PARVA: variants seen among roughly 807,000 people sequenced by gnomAD.
The protein encoded by PARVA is alpha-parvin.
In PARVA, 25 loss-of-function variants were observed where a neutral mutation model predicts 52.6. The ratio of observed to expected loss-of-function variants is 0.48; its 90% confidence interval spans 0.35 to 0.66. PARVA has a LOEUF of 0.66. Ranked by LOEUF, PARVA falls within the 30% of genes least tolerant of loss-of-function variation. The pLI, the probability that PARVA is intolerant of heterozygous loss-of-function variation, is 0.01. For synonymous variants in PARVA, 185 were observed against 179.1 expected, an observed-to-expected ratio of 1.03 and a Z score of -0.26; for missense variants, 373 against 450.9, an observed-to-expected ratio of 0.83 and a Z score of 1.56.
intron 1 of PARVA, among the ~76,000 whole-genome samples, chr11:12,390,162 ACATT>A (rs1242177062): frequency 6.6e-6 from 1 of 152,178 alleles, no homozygotes; most frequent in Non-Finnish European, 1.5e-5. Context: ...TTTCCAGGAA[ACATT>A]CATAGGCAGA....
intron 1 of PARVA, among the ~76,000 whole-genome samples, chr11:12,455,461 C>T (rs1455884992): frequency 1.3e-5 from 2 of 152,084 alleles, no homozygotes; most frequent in Non-Finnish European, 2.9e-5. Flanking sequence ...TCATTATTAA[C>T]TCATGGATTT....
chr11:12,384,870 T>C (rs779083716), intron 1 of PARVA, among the ~76,000 whole-genome samples: 2 of 152,136 alleles, frequency 1.3e-5, no homozygotes, highest in African/African-American at 2.4e-5. Flanking sequence ...CTGGAAGCCA[T>C]TGTAAAACTT....
At chr11:12,418,874 A>T (rs1382285127) in intron 1 of PARVA, among the ~76,000 whole-genome samples, 1 of 152,220 alleles carries the variant, frequency 6.6e-6, no homozygotes, top group African/African-American at 2.4e-5. Context: ...TGTGTATTGA[A>T]CAATACTTTG....
intron 1 of PARVA, among the ~76,000 whole-genome samples, chr11:12,441,630 T>A (rs893232076): frequency 6.6e-6 from 1 of 151,832 alleles, no homozygotes; most frequent in South Asian, 2.1e-4. Flanking sequence ...GGTTTGAGAA[T>A]GAAAAAAAAA....
rs151123080 is a variant in PARVA at position 12,486,263 on chromosome 11, G to A, written c.400+8314G>A. 1.9e-3 allele frequency among the ~76,000 whole-genome samples: 290 copies of A among 152,320 alleles called. 1 individual carries two copies. Among genetic ancestry groups the A allele is most frequent in the African/African-American group, 6.5e-3 (269 of 41,568 alleles). On this transcript the variant is annotated intron_variant, in intron 4 of 12. Transcript: ENST00000334956. The stretch of plus-strand genomic sequence containing the variant: ...TATTTAAAATAAAGGGCTGGGCGCC[G>A]TGGCTCACACCTGTAATCTCAGCAC...
chr11:12,418,141 A>G (rs976271211), intron 1 of PARVA, among the ~76,000 whole-genome samples: 6 of 136,914 alleles, frequency 4.4e-5, no homozygotes, highest in African/African-American at 1.2e-4. Context: ...CATTTCAGAA[A>G]TTTTCTGAGG....
chr11:12,391,697 A>T (rs1430315372), intron 1 of PARVA, among the ~76,000 whole-genome samples: 1 of 152,196 alleles, frequency 6.6e-6, no homozygotes, highest in Non-Finnish European at 1.5e-5. Context: ...TGTGTGTGTC[A>T]TGTCATTGTC....
At chr11:12,495,175 A>G (rs1941283275) in intron 4 of PARVA, among the ~76,000 whole-genome samples, 1 of 152,202 alleles carries the variant, frequency 6.6e-6, no homozygotes, top group Non-Finnish European at 1.5e-5. Flanking sequence ...TGAACTTTAG[A>G]GATAAAAATG....
At chr11:12,525,895 G>GAGC (rs1382528440) in intron 12 of PARVA, among the ~76,000 whole-genome samples, 2 of 152,046 alleles carry the variant, frequency 1.3e-5, no homozygotes, top group African/African-American at 4.8e-5. Context: ...GGCCTGGAGG[G>GAGC]AGCAGGCAGG....
At position 12,534,521 on chromosome 11, in the gene PARVA, G is replaced by T. The variant is rs1311614831; in HGVS notation, c.*6596G>T. ...AGAAGTACCCATTATTAAGATAAAT[G>T]ATGTTTTATCAATGAAGCAGACTTT... On this transcript the variant is annotated 3_prime_UTR_variant, in exon 13 of 13. Transcript: ENST00000334956. Among the ~76,000 whole-genome samples, 1 of 152,182 alleles carries T rather than the reference G, an allele frequency of 6.6e-6. No individual in the cohort carries two copies. Among genetic ancestry groups the T allele is most frequent in the African/African-American group, 2.4e-5 (1 of 41,436 alleles).
At chr11:12,454,687 C>T (rs1940672621) in intron 1 of PARVA, among the ~76,000 whole-genome samples, 2 of 152,124 alleles carry the variant, frequency 1.3e-5, no homozygotes, top group Non-Finnish European at 2.9e-5. Flanking sequence ...ATGATCAATC[C>T]ATGGCCAATC....
At chr11:12,392,043 G>C (rs1037665374) in intron 1 of PARVA, among the ~76,000 whole-genome samples, 2 of 151,916 alleles carry the variant, frequency 1.3e-5, no homozygotes, top group Non-Finnish European at 2.9e-5. Flanking sequence ...ACCCCAAGTT[G>C]TCACTAATCT....
At chr11:12,444,497 T>C (rs923137280) in intron 1 of PARVA, among the ~76,000 whole-genome samples, 4 of 152,038 alleles carry the variant, frequency 2.6e-5, no homozygotes, top group Non-Finnish European at 1.5e-5. Context: ...CAGGCTGGAG[T>C]GCAGTGACAA....
intron 4 of PARVA, among the ~76,000 whole-genome samples, chr11:12,492,685 A>G (rs1055197108): frequency 6.6e-6 from 1 of 152,210 alleles, no homozygotes; most frequent in African/African-American, 2.4e-5. Context: ...AATAGAGATA[A>G]TGATGTTTTA....
At chr11:12,493,170 A>G (rs1168847433) in intron 4 of PARVA, among the ~76,000 whole-genome samples, 1 of 152,002 alleles carries the variant, frequency 6.6e-6, no homozygotes, top group African/African-American at 2.4e-5. Flanking sequence ...AGCCTGACCA[A>G]CATAATGAAA....
chr11:12,466,619 T>G (rs1940857628), intron 1 of PARVA, among the ~76,000 whole-genome samples: 1 of 152,138 alleles, frequency 6.6e-6, no homozygotes, highest in African/African-American at 2.4e-5. Flanking sequence ...AGTAGAAGTA[T>G]TAATAAAGCC....
chr11:12,400,069 C>T (rs1166216783), intron 1 of PARVA, among the ~76,000 whole-genome samples: 3 of 151,966 alleles, frequency 2.0e-5, no homozygotes, highest in Non-Finnish European at 1.5e-5. Context: ...GAGACCCAAT[C>T]TCTATTAAAA....
chr11:12,444,423 C>T (rs776365417), intron 1 of PARVA, among the ~76,000 whole-genome samples: 46 of 152,016 alleles, frequency 3.0e-4, no homozygotes, highest in Non-Finnish European at 3.8e-4. Flanking sequence ...TAATACTCAG[C>T]CCAGTATATC....
rs747657632 is a variant in PARVA at position 12,496,535 on chromosome 11, G to A, written c.478G>A (p.Val160Ile). ...TGCTCAGAAGCAAAAACTGCAGACTGTCCTGGAGAAGATCAATGAAACCCT... is the reference window on the plus strand; with the variant it reads ...TGCTCAGAAGCAAAAACTGCAGACTATCCTGGAGAAGATCAATGAAACCCT... The part of the protein sequence containing the change: ...EIAQKQKLQT[V>I]LEKINETLKL... The change falls in exon 5 of 13, where the codon GTC (valine) becomes ATC (isoleucine). Residue 160 changes from valine to isoleucine, a missense_variant. By Grantham distance (29) the Val-to-Ile change is conservative. Coordinates refer to ENST00000334956, the MANE Select transcript of PARVA (RefSeq NM_018222.5). 3 of 1,611,200 alleles carry A rather than the reference G, an allele frequency of 1.9e-6. No homozygotes were observed. Among genetic ancestry groups the A allele is most frequent in the Admixed American group, 3.4e-5 (2 of 59,698 alleles).
Sources: gnomAD v4.1 joint callset for allele counts (sites outside exome capture counted in the v4.1 genomes callset) on GRCh38, gnomAD v4.1.1 for gene constraint, MANE v1.5 for transcripts, NCBI Gene and HGNC (gene_info 2026-07-23, HGNC 2026-07-21) for gene names.